SEPTIN3: variants seen among roughly 807,000 people sequenced by gnomAD.
SEPTIN3 encodes neuronal-specific septin-3.
In SEPTIN3, 15 loss-of-function variants were observed where a neutral mutation model predicts 45.1. The ratio of observed to expected loss-of-function variants is 0.33; its 90% CI spans 0.22 to 0.51. The LOEUF (loss-of-function observed/expected upper bound fraction) is 0.51, where lower values mean the gene tolerates loss of function less well. Among genes scored for constraint, SEPTIN3 ranks in the 20% least tolerant of loss-of-function variants. SEPTIN3 has a pLI of 0.97. For synonymous variants in SEPTIN3, 148 were observed against 164.8 expected (o/e 0.90, Z 0.78); for missense variants, 289 against 457.2 (o/e 0.63, Z 3.35).
intron 7 of SEPTIN3, among the ~76,000 whole-genome samples, chr22:41,990,607 G>A (rs1343781061): frequency 4.6e-5 from 7 of 151,242 alleles, no homozygotes; most frequent in Admixed American, 6.6e-5. Flanking sequence ...TTAGCCGGGT[G>A]TGGTGGCGGG....
At position 41,994,555 on chromosome 22, in the gene SEPTIN3, G is replaced by A. The variant is rs1414128453; in HGVS notation, c.2412-66G>A. 2 of 1,607,818 alleles carry A rather than the reference G, an allele frequency of 1.2e-6. No individual in the cohort carries two copies. The highest frequency in any genetic ancestry group is 1.1e-5 in the South Asian group (1 of 90,506). ...ACTGGGTCCAGTCCCTCGAAGTGAT[G>A]TGTGTCACCGCCTCCTCTTCCTGCC... On this transcript the variant is annotated intron_variant, in intron 10 of 11. Transcript: ENST00000644076. The surrounding 1 kb of genome is among the most constrained non-coding windows in gnomAD (Gnocchi z 4.2).
chr22:41,972,286 C>T lies in SEPTIN3; in HGVS notation c.794C>T (p.Ala265Val). 1 of 399,170 alleles carries T rather than the reference C, an allele frequency of 2.5e-6. No homozygotes were observed. Among genetic ancestry groups the T allele is most frequent in the African/African-American group, 2.1e-5 (1 of 48,770 alleles). 24.7% of individuals were successfully genotyped at this position (399,170 alleles called of 1,614,324 possible). ...ACTGCTATGGACACAAGGACAGACG[C>T]AGCCAGACATTTAGCCACAATGGCC... ...NLTAMDTRTD[A>V]ARHLATMATN... The change falls in exon 2 of 12, where the codon GCA becomes GTA. Residue 265 changes from alanine to valine, a missense_variant. By Grantham distance (64) the Ala-to-Val change is moderately conservative (BLOSUM62 0). Around this residue, in one of 3 missense-constraint regions of SEPTIN3, gnomAD observed 200 missense variants for 315.1 expected, o/e 0.63. Coordinates refer to ENST00000644076, the MANE Select transcript of SEPTIN3 (RefSeq NM_001363845.2).
At chr22:41,971,363 G>T (rs999146507) in intron 1 of SEPTIN3, 111 bp from the exon 2 acceptor site, 3 of 397,762 alleles carry the variant, frequency 7.5e-6, no homozygotes, top group African/African-American at 4.1e-5. Flanking sequence ...CCAGAACCAG[G>T]CCCCTTCAGA....
At chr22:41,975,858 A>G (rs2078012877) in intron 2 of SEPTIN3, among the ~76,000 whole-genome samples, 1 of 151,386 alleles carries the variant, frequency 6.6e-6, no homozygotes, top group South Asian at 2.1e-4. Flanking sequence ...TGCTGCAACG[A>G]CTCCCACATT....
intron 2 of SEPTIN3, among the ~76,000 whole-genome samples, chr22:41,975,627 C>G (rs1238585138): frequency 6.6e-6 from 1 of 152,138 alleles, no homozygotes; most frequent in Non-Finnish European, 1.5e-5. Flanking sequence ...TGATCTCACT[C>G]TCTCAGCTGT....
intron 2 of SEPTIN3, among the ~76,000 whole-genome samples, chr22:41,979,770 C>T (rs978202852): frequency 6.6e-6 from 1 of 152,188 alleles, no homozygotes; most frequent in Non-Finnish European, 1.5e-5. Flanking sequence ...GAGAGAGGGT[C>T]TTACCAGTAC....
At chr22:41,977,963 C>T (rs144025104) in intron 2 of SEPTIN3, among the ~76,000 whole-genome samples, 353 of 152,236 alleles carry the variant, frequency 2.3e-3, no homozygotes, top group African/African-American at 8.0e-3. Context: ...GCAGGCAGAT[C>T]CCCCTTCTCC....
At chr22:41,991,434 T>C in intron 7 of SEPTIN3, 139 bp from the exon 8 acceptor site, 1 of 685,148 alleles carries the variant, frequency 1.5e-6, no homozygotes, top group Admixed American at 2.1e-5. Flanking sequence ...CTGCTCAGGG[T>C]CTCAGAGTTC....
intron 2 of SEPTIN3, among the ~76,000 whole-genome samples, chr22:41,974,482 G>A (rs1174111983): frequency 6.6e-6 from 1 of 151,962 alleles, no homozygotes; most frequent in African/African-American, 2.4e-5. Context: ...GGCTAACAAG[G>A]TGAAACCCCG....
intron 1 of SEPTIN3, among the ~76,000 whole-genome samples, chr22:41,970,137 C>A (rs2077944481): frequency 1.3e-5 from 2 of 151,964 alleles, no homozygotes; most frequent in African/African-American, 4.8e-5. Context: ...CCCCATGAGC[C>A]CTCTGGAACT....
At position 41,994,373 on chromosome 22, in the gene SEPTIN3, G is replaced by A. The variant is rs756048128; in HGVS notation, c.2411+32G>A. ...TGTCTCCCCTCCAGCTGTCCAGACA[G>A]CAGGTTGAATTATTTGGGGTCAGGG... On this transcript the variant is annotated intron_variant, in intron 10 of 11. Coordinates refer to ENST00000644076, the MANE Select transcript of SEPTIN3 (RefSeq NM_001363845.2). The surrounding 1 kb of genome is among the most constrained non-coding windows in gnomAD (Gnocchi z 4.2). The A allele has an allele frequency of 1.9e-5, 31 of 1,610,674 alleles. No individual in the cohort carries two copies. Among genetic ancestry groups the A allele is most frequent in the Non-Finnish European group, 2.5e-5 (30 of 1,177,286 alleles).
rs139283413 is a variant in SEPTIN3, at chr22:41,988,537, G to A, written c.2045+778G>A. On this transcript the variant is annotated intron_variant, in intron 6 of 11. Transcript: ENST00000644076. ...ATTTTCTAGGAACCAGGCAGTGATG[G>A]TAGGGGGAGAAGAGAGATGAAACAA... is the stretch of plus-strand genomic sequence containing the variant. 4.1e-3 allele frequency among the ~76,000 whole-genome samples: 626 copies of A among 152,268 alleles called. 4 individuals are homozygous for A. Among genetic ancestry groups the A allele is most frequent in the African/African-American group, 0.014 (565 of 41,554 alleles).
chr22:41,981,865 C>G (rs2078127309), intron 3 of SEPTIN3, 29 bp downstream of exon 3: 1 of 1,599,434 alleles, frequency 6.3e-7, no homozygotes, highest in Non-Finnish European at 8.6e-7. Context: ...CTGCTGCAGG[C>G]CTGGTGGCGG....
chr22:41,989,050 C>T (rs1181655378), intron 6 of SEPTIN3, among the ~76,000 whole-genome samples: 8 of 147,924 alleles, frequency 5.4e-5, no homozygotes, highest in Non-Finnish European at 1.2e-4. Flanking sequence ...TGCTTGAGCC[C>T]TGGAGGTCAA....
chr22:41,996,519 G>A, intron 11 of SEPTIN3: 1 of 1,011,328 alleles, frequency 9.9e-7, no homozygotes, highest in Non-Finnish European at 1.2e-6. Flanking sequence ...AGGAGAAAGG[G>A]GGGCGGTGAT....
At chr22:41,990,928 G>T (rs1328427450) in intron 7 of SEPTIN3, among the ~76,000 whole-genome samples, 1 of 152,006 alleles carries the variant, frequency 6.6e-6, no homozygotes, top group African/African-American at 2.4e-5. Flanking sequence ...GCTGGGCGTG[G>T]TGGCATATGC....
In SEPTIN3 at chr22:41,994,721, G is replaced by C; in HGVS notation, c.2505+7G>C. ...CAATGGAGGCCTCCCTCCGGTGAGCGTGGACACAGAGGAAAGCCACGACAG... is the reference window on the plus strand; with the variant it reads ...CAATGGAGGCCTCCCTCCGGTGAGCCTGGACACAGAGGAAAGCCACGACAG... On this transcript the variant is annotated splice_region_variant and intron_variant, in intron 11 of 11. Transcript: ENST00000644076. The surrounding 1 kb of genome is among the most constrained non-coding windows in gnomAD (Gnocchi z 4.2). 2 of 1,614,122 alleles carry C rather than the reference G, an allele frequency of 1.2e-6. No homozygotes were observed. Among genetic ancestry groups the C allele is most frequent in the Non-Finnish European group, 1.7e-6 (2 of 1,180,028 alleles).
rs1361757004 is a variant in SEPTIN3 at position 41,994,233 on chromosome 22, G to A, written c.2360-57G>A. ...ACCCAAACAGAAGCTCACCTCCTGGGTGTTGCTGTATTAATGAACTGACTA... is the reference window on the plus strand; with the variant it reads ...ACCCAAACAGAAGCTCACCTCCTGGATGTTGCTGTATTAATGAACTGACTA... On this transcript the variant is annotated intron_variant, in intron 9 of 11. Coordinates refer to ENST00000644076, the MANE Select transcript of SEPTIN3 (RefSeq NM_001363845.2). This position sits in a 1 kb window ranked among gnomAD's most constrained non-coding sequence, Gnocchi z 4.2. 12 of 1,542,814 alleles carry A rather than the reference G, an allele frequency of 7.8e-6. No homozygotes were observed. The highest frequency in any genetic ancestry group is 1.7e-5 in the Admixed American group (1 of 59,852).
chr22:41,973,754 G>T (rs549891336), intron 2 of SEPTIN3, among the ~76,000 whole-genome samples: 1 of 152,312 alleles, frequency 6.6e-6, no homozygotes, highest in East Asian at 1.9e-4. Flanking sequence ...GCCAAGGCGG[G>T]TGGATCACTT....
Sources: gnomAD v4.1 joint callset for allele counts (sites outside exome capture counted in the v4.1 genomes callset) on GRCh38, gnomAD v4.1.1 for gene constraint, gnomAD v4.1.1 regional missense constraint, Gnocchi (gnomAD v3.1) non-coding constraint, MANE v1.5 for transcripts, NCBI Gene and HGNC (gene_info 2026-07-23, HGNC 2026-07-21) for gene names.